Variants in ZNF525 observed in about 807,000 individuals in gnomAD.
The protein encoded by ZNF525 is zinc finger protein 525.
ZNF525 carries 33 observed loss-of-function variants against 37.6 expected under a neutral mutation model. That is an observed-to-expected ratio of 0.88 (90% CI 0.67 to 1.17). The LOEUF is 1.17. Among genes scored for constraint, ZNF525 ranks in the 50% most tolerant of loss-of-function variants. The pLI is 0.00. For missense variants in ZNF525, 449 were observed against 543.1 expected, an observed-to-expected ratio of 0.83 and a Z score of 1.72; for synonymous variants, 170 against 182.3, an observed-to-expected ratio of 0.93 and a Z score of 0.54.
chr19:53,374,700 A>G (rs906899617), intron 2 of ZNF525, among the ~76,000 whole-genome samples: 1 of 152,222 alleles, frequency 6.6e-6, no homozygotes, highest in Non-Finnish European at 1.5e-5. Context: ...ATACATACGT[A>G]TAGACACACA....
At chr19:53,370,860 C>A (rs374470459) in intron 1 of ZNF525, among the ~76,000 whole-genome samples, 1 of 152,204 alleles carries the variant, frequency 6.6e-6, no homozygotes, top group African/African-American at 2.4e-5. Flanking sequence ...AGGACAAAAG[C>A]CCAACTCCTC....
intron 1 of ZNF525, among the ~76,000 whole-genome samples, chr19:53,370,355 T>G (rs1600012289): frequency 7.0e-6 from 1 of 142,696 alleles, no homozygotes; most frequent in Non-Finnish European, 1.5e-5. Flanking sequence ...GGAAGCGGAG[T>G]TTGCACCGAG....
At chr19:53,367,120 T>TA (rs2085453673) in intron 1 of ZNF525, among the ~76,000 whole-genome samples, 3 of 151,918 alleles carry the variant, frequency 2.0e-5, no homozygotes, top group Admixed American at 2.0e-4. Context: ...AACAGCTAAA[T>TA]ACACACGTTT....
Position 53,382,696 on chromosome 19 carries a change from A to T in ZNF525, c.*677A>T. 1 of 749,434 alleles carries T rather than the reference A, an allele frequency of 1.3e-6. No individual in the cohort carries two copies. Among genetic ancestry groups the T allele is most frequent in the East Asian group, 2.7e-5 (1 of 37,426 alleles). The allele number at this position is 749,434 out of a possible 1,614,324, so 46.4% of individuals were successfully genotyped here. A position where few individuals can be genotyped will look rare whatever the true frequency, so the allele number is the denominator to read the frequency against. ...TCTTCAGTAATGCTACAACTATTGC[A>T]AATCATTGGAGAATCCATAATAAAG... On this transcript the variant is annotated 3_prime_UTR_variant, in exon 4 of 4. Transcript: ENST00000474037.
chr19:53,383,075 A>G lies in ZNF525; in HGVS notation c.*1056A>G. On this transcript the variant is annotated 3_prime_UTR_variant, in exon 4 of 4. Transcript: ENST00000474037. ...TACTGGAGAGAACGCTTGCAAGTGT[A>G]ATAAATGTGGCGAGGTTTTTAATCA... 1.4e-6 allele frequency: 2 copies of G among 1,412,272 alleles called. No individual in the cohort carries two copies. The highest frequency in any genetic ancestry group is 2.3e-5 in the South Asian group (2 of 87,112). 87.5% of individuals were successfully genotyped at this position (1,412,272 alleles called of 1,614,324 possible). A position where few individuals can be genotyped will look rare whatever the true frequency, so the allele number is the denominator to read the frequency against.
intron 2 of ZNF525, among the ~76,000 whole-genome samples, chr19:53,375,353 G>GT (rs1281429173): frequency 6.6e-6 from 1 of 152,176 alleles, no homozygotes; most frequent in Non-Finnish European, 1.5e-5. Flanking sequence ...TTGAGAGACT[G>GT]TATCAGGCAG....
intron 3 of ZNF525, among the ~76,000 whole-genome samples, chr19:53,377,586 G>A (rs912201015): frequency 1.4e-5 from 2 of 140,036 alleles, no homozygotes; most frequent in African/African-American, 2.7e-5. Context: ...ATGGAGTCTC[G>A]GTCTGTCACT....
chr19:53,372,206 A>G lies in ZNF525; in HGVS notation c.-67-9A>G, dbSNP rs1232481868. 2 of 681,330 alleles carry G rather than the reference A, an allele frequency of 2.9e-6. No individual in the cohort carries two copies. 42.2% of individuals were successfully genotyped at this position (681,330 alleles called of 1,614,324 possible). On this transcript the variant is annotated splice_polypyrimidine_tract_variant and intron_variant, in intron 1 of 3. Coordinates refer to ENST00000474037, the MANE Select transcript of ZNF525 (RefSeq NM_001348156.2). ...TCTGAGCAATAAACAACATATTTTT[A>G]TCACTCAGGATTGACATCTAAAGAC...
intron 1 of ZNF525, among the ~76,000 whole-genome samples, chr19:53,370,020 G>A (rs1021904594): frequency 5.3e-5 from 8 of 150,712 alleles, no homozygotes; most frequent in African/African-American, 7.3e-5. Context: ...CACCGCGCCC[G>A]GCCAAGAAGT....
chr19:53,383,370 C>A lies in ZNF525; in HGVS notation c.*1351C>A. 3 of 1,164,616 alleles carry A rather than the reference C, an allele frequency of 2.6e-6. No homozygotes were observed. The highest frequency in any genetic ancestry group is 2.4e-5 in the South Asian group (2 of 81,688). 72.1% of individuals were successfully genotyped at this position (1,164,616 alleles called of 1,614,324 possible). A position where few individuals can be genotyped will look rare whatever the true frequency, so the allele number is the denominator to read the frequency against. On this transcript the variant is annotated 3_prime_UTR_variant, in exon 4 of 4. Coordinates refer to ENST00000474037, the MANE Select transcript of ZNF525 (RefSeq NM_001348156.2). ...TCAACAAGCACACGTTGCACGTCATCATAGAATTCATACTGGAGAGAAACC... is the reference window on the plus strand; with the variant it reads ...TCAACAAGCACACGTTGCACGTCATAATAGAATTCATACTGGAGAGAAACC...
chr19:53,384,989 T>C lies in ZNF525; in HGVS notation c.*2970T>C, dbSNP rs1043462968. 1 of 702,256 alleles carries C rather than the reference T, an allele frequency of 1.4e-6. No homozygotes were observed. The highest frequency in any genetic ancestry group is 1.7e-5 in the African/African-American group (1 of 57,248). 43.5% of individuals were successfully genotyped at this position (702,256 alleles called of 1,614,324 possible). A position where few individuals can be genotyped will look rare whatever the true frequency, so the allele number is the denominator to read the frequency against. ...GTTTAGGATTTCTATGATGACTGGATTTTGAATTTTGTGGAACGCTTTTTC... is the reference window on the plus strand; with the variant it reads ...GTTTAGGATTTCTATGATGACTGGACTTTGAATTTTGTGGAACGCTTTTTC... On this transcript the variant is annotated 3_prime_UTR_variant, in exon 4 of 4. Coordinates refer to ENST00000474037, the MANE Select transcript of ZNF525 (RefSeq NM_001348156.2).
chr19:53,375,767 C>A lies in ZNF525; in HGVS notation c.16-3C>A, dbSNP rs779897266. ...ATTTGGTTAAAATGTGTTTTCATTT[C>A]AGGGTCTATTGACATTCAGGGATGT... On this transcript the variant is annotated splice_region_variant and splice_polypyrimidine_tract_variant and intron_variant, in intron 2 of 3. Transcript: ENST00000474037. 6.2e-7 allele frequency: 1 copy of A among 1,613,478 alleles called. No homozygotes were observed. The highest frequency in any genetic ancestry group is 1.3e-5 in the African/African-American group (1 of 74,840).
In ZNF525 at chr19:53,385,125, C is replaced by T; in HGVS notation, c.*3106C>T. The T allele has an allele frequency of 2.0e-6, 1 of 494,192 alleles. No individual in the cohort carries two copies. Among genetic ancestry groups the T allele is most frequent in the Middle Eastern group, 2.9e-4 (1 of 3,492 alleles). 30.6% of individuals were successfully genotyped at this position (494,192 alleles called of 1,614,324 possible). A position where few individuals can be genotyped will look rare whatever the true frequency, so the allele number is the denominator to read the frequency against. On this transcript the variant is annotated 3_prime_UTR_variant, in exon 4 of 4. Transcript: ENST00000474037. ...CCTTGCATCCCAGAAATAACTGGCACTTGAATATCTACATTTTTTTAATAT... is the reference window on the plus strand; with the variant it reads ...CCTTGCATCCCAGAAATAACTGGCATTTGAATATCTACATTTTTTTAATAT...
chr19:53,382,439 A>G lies in ZNF525; in HGVS notation c.*420A>G. ...GTGGCAAGACCTTCAGTCAGAAGTC[A>G]TGCCTTACACGCCATCATAGACTTC... is the stretch of plus-strand genomic sequence containing the variant. On this transcript the variant is annotated 3_prime_UTR_variant, in exon 4 of 4. Transcript: ENST00000474037. 1 of 821,334 alleles carries G rather than the reference A, an allele frequency of 1.2e-6. No individual in the cohort carries two copies. The highest frequency in any genetic ancestry group is 2.1e-6 in the Non-Finnish European group (1 of 471,224). The allele number at this position is 821,334 out of a possible 1,614,324, so 50.9% of individuals were successfully genotyped here. A position where few individuals can be genotyped will look rare whatever the true frequency, so the allele number is the denominator to read the frequency against.
chr19:53,369,971 G>C (rs60777528), intron 1 of ZNF525, among the ~76,000 whole-genome samples: 1 of 148,930 alleles, frequency 6.7e-6, no homozygotes, highest in African/African-American at 2.5e-5. Context: ...TGATCCGCCC[G>C]CCTCGGCCTC....
Position 53,382,099 on chromosome 19 carries a change from C to A in ZNF525, c.*80C>A, listed in dbSNP as rs58896082. 11 of 1,527,970 alleles carry A rather than the reference C, an allele frequency of 7.2e-6. No homozygotes were observed. The African/African-American group carries it at 1.5e-4, about 21-fold the overall frequency. 94.7% of individuals were successfully genotyped at this position (1,527,970 alleles called of 1,614,324 possible). On this transcript the variant is annotated 3_prime_UTR_variant, in exon 4 of 4. Coordinates refer to ENST00000474037, the MANE Select transcript of ZNF525 (RefSeq NM_001348156.2). ...GATTGTGGCAAGATCTTCAGTCATA[C>A]GTCATCCATTGTATACCATCATAAA...
chr19:53,376,426 A>G, intron 3 of ZNF525: 2 of 614,284 alleles, frequency 3.3e-6, no homozygotes, highest in South Asian at 1.9e-5. Flanking sequence ...TTTTTGTTAC[A>G]TATTATCTGT....
chr19:53,381,648 T>C lies in ZNF525; in HGVS notation c.1069T>C (p.Cys357Arg). 8.9e-7 allele frequency: 1 copy of C among 1,124,114 alleles called. No individual in the cohort carries two copies. Among genetic ancestry groups the C allele is most frequent in the Non-Finnish European group, 1.4e-6 (1 of 732,488 alleles). 69.6% of individuals were successfully genotyped at this position (1,124,114 alleles called of 1,614,324 possible). The change falls in exon 4 of 4, where the codon TGT (cysteine) becomes CGT (arginine). Residue 357 changes from cysteine (C) to arginine (R), a missense_variant. This residue lies in a region of ZNF525 where 178 missense variants were observed against 161.5 expected (regional missense o/e 1.10). Transcript: ENST00000474037. ...TCATACTGGAAAGAAACCTTACGAA[T>C]GTGAAGAATGTGACAAAGCTTTCAG... Reference protein sequence around the residue: ...SIHTGKKPYECEECDKAFSFK... With the variant: ...SIHTGKKPYEREECDKAFSFK...
Position 53,381,493 on chromosome 19 carries a change from A to T in ZNF525, c.914A>T (p.Asp305Val). Residue 305 changes from aspartate to valine, a missense_variant, in exon 4 of 4, where the codon GAC (aspartate) becomes GTC (valine). Asp to Val is a radical substitution (Grantham distance 152). Coordinates refer to ENST00000474037, the MANE Select transcript of ZNF525 (RefSeq NM_001348156.2). The part of the protein sequence containing the change: ...GEKPYKCEEC[D>V]KAFRHNSALQ... Reference sequence around the variant, plus strand: ...AAACCTTACAAATGTGAAGAATGTGACAAAGCTTTCAGACACAATTCAGCC... The same window carrying T: ...AAACCTTACAAATGTGAAGAATGTGTCAAAGCTTTCAGACACAATTCAGCC... The T allele has an allele frequency of 7.3e-7, 1 of 1,373,554 alleles. No homozygotes were observed. The highest frequency in any genetic ancestry group is 1.0e-6 in the Non-Finnish European group (1 of 960,834). The allele number at this position is 1,373,554 out of a possible 1,614,324, so 85.1% of individuals were successfully genotyped here. A position where few individuals can be genotyped will look rare whatever the true frequency, so the allele number is the denominator to read the frequency against.
Sources: gnomAD v4.1 joint callset for allele counts (sites outside exome capture counted in the v4.1 genomes callset) on GRCh38, gnomAD v4.1.1 for gene constraint, gnomAD v4.1.1 regional missense constraint, MANE v1.5 for transcripts, NCBI Gene and HGNC (gene_info 2026-07-23, HGNC 2026-07-21) for gene names.